CPB2: variants seen among roughly 807,000 people sequenced by gnomAD.
CPB2 encodes carboxypeptidase B2, also known as carboxypeptidase B-like protein.
In CPB2, 54 loss-of-function variants were observed where a neutral mutation model predicts 57.0. The observed-to-expected ratio is 0.95, with a 90% CI of 0.76 to 1.19. The LOEUF (loss-of-function observed/expected upper bound fraction) is 1.19. Ranked by LOEUF, CPB2 falls within the 50% of genes most tolerant of loss-of-function variation. The pLI is 0.00. For synonymous variants in CPB2, 189 were observed against 178.1 expected (o/e 1.06, Z -0.49); for missense variants, 426 against 512.0 (o/e 0.83, Z 1.62).
intron 1 of CPB2, among the ~76,000 whole-genome samples, chr13:46,104,540 C>T (rs1467534333): frequency 6.6e-6 from 1 of 152,222 alleles, no homozygotes; most frequent in African/African-American, 2.4e-5. Context: ...TCTTCTTCCT[C>T]CTATGTTCCA....
At chr13:46,065,666 C>T (rs1037349104) in intron 7 of CPB2, among the ~76,000 whole-genome samples, 9 of 146,638 alleles carry the variant, frequency 6.1e-5, no homozygotes, top group Admixed American at 2.0e-4. Flanking sequence ...GCACATACTT[C>T]ATTTAAGTTC....
chr13:46,068,064 C>G (rs1364513346), intron 6 of CPB2, among the ~76,000 whole-genome samples: 1 of 152,100 alleles, frequency 6.6e-6, no homozygotes, highest in Non-Finnish European at 1.5e-5. Context: ...AGAAGTTTAC[C>G]CCAAAATGAC....
intron 5 of CPB2, 139 bp downstream of exon 5, chr13:46,078,661 A>C (rs987627623): frequency 7.8e-6 from 5 of 638,714 alleles, no homozygotes; most frequent in Non-Finnish European, 1.1e-5. Flanking sequence ...CTAAATAGCC[A>C]GGTATTAAAG....
chr13:46,053,783 C>G lies in CPB2; in HGVS notation c.1103G>C (p.Gly368Ala). 6.2e-7 allele frequency: 1 copy of G among 1,613,792 alleles called. No individual in the cohort carries two copies. The highest frequency in any genetic ancestry group is 8.5e-7 in the Non-Finnish European group (1 of 1,179,814). Residue 368 changes from glycine (G) to alanine (A), a missense_variant, in exon 11 of 11, where the codon GGT (glycine) becomes GCT (alanine). Gly to Ala is a moderately conservative substitution (Grantham distance 60). Transcript: ENST00000181383. ...GSETLYLAPG[G>A]GDDWIYDLGI... The stretch of plus-strand genomic sequence containing the variant: ...CAAATCATAGATCCAATCGTCCCCA[C>G]CTCCAGGAGCTAGGTCTAAAAGAAG...
intron 1 of CPB2, among the ~76,000 whole-genome samples, chr13:46,103,637 A>T (rs1389950953): frequency 2.0e-5 from 3 of 152,238 alleles, no homozygotes; most frequent in Non-Finnish European, 4.4e-5. Context: ...CTAAGTGACT[A>T]GTTCAGTGCC....
rs1555309875 is a variant in CPB2 at position 46,080,985 on chromosome 13, A to AAG, written c.384+1455_384+1456insCT. Among the ~76,000 whole-genome samples, 1,048 of 151,004 alleles carry AAG rather than the reference A, an allele frequency of 6.9e-3. 14 individuals carry two copies. The highest frequency in any genetic ancestry group is 0.024 in the African/African-American group (970 of 41,088). On this transcript the variant is annotated intron_variant, in intron 4 of 10. Transcript: ENST00000181383. The stretch of plus-strand genomic sequence containing the variant: ...AAACTCTGTCTCAAAAAAAAAAAAA[A>AAG]AAAAAGGAAAGAAAAGGCATATGAG...
In CPB2 at chr13:46,097,757, G is replaced by C. The variant is rs552774861; in HGVS notation, c.74+7179C>G. Among the ~76,000 whole-genome samples the C allele has an allele frequency of 5.9e-5, 9 of 152,244 alleles. 1 individual carries two copies. The South Asian group carries it at 1.9e-3, about 32-fold the overall frequency. Reference sequence around the variant, plus strand: ...CTCATGTGGTGCTGTGTCCCTACTAGGTAGTATACATGGTTCCAGGAACCA... The same window carrying C: ...CTCATGTGGTGCTGTGTCCCTACTACGTAGTATACATGGTTCCAGGAACCA... On this transcript the variant is annotated intron_variant, in intron 1 of 10. Transcript: ENST00000181383.
rs1439719226 is a variant in CPB2, at chr13:46,053,732, T to A, written c.1154A>T (p.Glu385Val). 15 of 1,614,064 alleles carry A rather than the reference T, an allele frequency of 9.3e-6. No individual in the cohort carries two copies. Among genetic ancestry groups the A allele is most frequent in the Non-Finnish European group, 1.3e-5 (15 of 1,180,036 alleles). ...TCCGTATGTGCCCGTATCTCGAAGT[T>A]CAATTGTAAACGAATATTTGATGCC... ...DLGIKYSFTI[E>V]LRDTGTYGFL... Residue 385 changes from glutamate to valine, a missense_variant, in exon 11 of 11, where the codon GAA (glutamate) becomes GTA (valine). Transcript: ENST00000181383.
intron 2 of CPB2, among the ~76,000 whole-genome samples, chr13:46,086,410 T>C (rs1288638907): frequency 6.6e-6 from 1 of 152,128 alleles, no homozygotes; most frequent in African/African-American, 2.4e-5. Context: ...GGGTAGCTCC[T>C]CTCTGCAGCC....
chr13:46,090,724 C>CTT (rs10651921), intron 1 of CPB2, among the ~76,000 whole-genome samples: 56,605 of 148,138 alleles, frequency 0.38, 11,134 homozygotes, highest in African/African-American at 0.47. Context: ...AGATGTTGCA[C>CTT]TTTTTTTTTT....
intron 6 of CPB2, among the ~76,000 whole-genome samples, chr13:46,068,442 G>GA (rs2139366295): frequency 6.6e-6 from 1 of 152,132 alleles, no homozygotes; most frequent in East Asian, 1.9e-4. Flanking sequence ...AGAAAGAAAA[G>GA]AAAAAAGTTA....
intron 1 of CPB2, 150 bp downstream of exon 1, chr13:46,104,786 T>C: frequency 2.5e-6 from 2 of 790,126 alleles, no homozygotes; most frequent in Non-Finnish European, 4.0e-6. Flanking sequence ...TAAAGTCTAC[T>C]TATTTGTCAG....
At chr13:46,071,502 A>G (rs2139371859) in intron 6 of CPB2, among the ~76,000 whole-genome samples, 1 of 152,308 alleles carries the variant, frequency 6.6e-6, no homozygotes, top group Non-Finnish European at 1.5e-5. Context: ...AACAGAGAAC[A>G]AGGAACTGTG....
chr13:46,080,116 T>C (rs191011538), intron 4 of CPB2, among the ~76,000 whole-genome samples: 140 of 152,372 alleles, frequency 9.2e-4, no homozygotes, highest in Non-Finnish European at 1.7e-3. Context: ...CGACAGACTT[T>C]ATTCATTTCT....
At chr13:46,102,648 A>G (rs2045451341) in intron 1 of CPB2, among the ~76,000 whole-genome samples, 1 of 149,188 alleles carries the variant, frequency 6.7e-6, no homozygotes, top group Non-Finnish European at 1.5e-5. Flanking sequence ...ACAATTTATC[A>G]AAGTCTGTTG....
chr13:46,077,260 A>C (rs900167501), intron 5 of CPB2, among the ~76,000 whole-genome samples: 18 of 152,230 alleles, frequency 1.2e-4, no homozygotes, highest in Non-Finnish European at 2.5e-4. Context: ...AAAAATGAGA[A>C]AGGAATCTGA....
At chr13:46,074,011 G>C (rs2044984145) in intron 5 of CPB2, 34 bp from the exon 6 acceptor site, 1 of 1,270,530 alleles carries the variant, frequency 7.9e-7, no homozygotes, top group Admixed American at 1.7e-5. Flanking sequence ...AGCAAAAACA[G>C]TAACAATAAG....
At chr13:46,083,674 T>TA (rs916218368) in intron 3 of CPB2, among the ~76,000 whole-genome samples, 1 of 152,182 alleles carries the variant, frequency 6.6e-6, no homozygotes, top group African/African-American at 2.4e-5. Context: ...GTGCTGTTTT[T>TA]ACCCTTAATA....
At chr13:46,065,566 G>A (rs1239063178) in intron 7 of CPB2, among the ~76,000 whole-genome samples, 1 of 140,734 alleles carries the variant, frequency 7.1e-6, no homozygotes, top group African/African-American at 2.7e-5. Context: ...GGCGGAGCTT[G>A]CAGTGAGCCG....
Sources: gnomAD v4.1 joint callset for allele counts (sites outside exome capture counted in the v4.1 genomes callset) on GRCh38, gnomAD v4.1.1 for gene constraint, MANE v1.5 for transcripts, NCBI Gene and HGNC (gene_info 2026-07-23, HGNC 2026-07-21) for gene names.